Variants in FRYL observed in about 807,000 individuals in gnomAD.
FRYL encodes protein furry homolog-like.
Under a neutral mutation model 351.2 loss-of-function variants are expected in FRYL, and 150 were observed. The observed-to-expected ratio is 0.43, with a 90% confidence interval of 0.37 to 0.49. FRYL has a LOEUF of 0.49. Among genes scored for constraint, FRYL ranks in the 20% least tolerant of loss-of-function variants. The pLI, the probability that FRYL is intolerant of heterozygous loss-of-function variation, is 0.00. For missense variants in FRYL, 3,036 were observed against 3,619.3 expected (o/e 0.84, Z 4.13); for synonymous variants, 1,153 against 1,257.1 (o/e 0.92, Z 1.75).
chr4:48,516,549 T>G (rs1263791112), intron 55 of FRYL, among the ~76,000 whole-genome samples: 1 of 152,190 alleles, frequency 6.6e-6, no homozygotes, highest in Non-Finnish European at 1.5e-5. Context: ...GCTCCTTATC[T>G]GTTTTTCATG....
chr4:48,753,271 G>A (rs537361796), intron 1 of FRYL, among the ~76,000 whole-genome samples: 1 of 152,112 alleles, frequency 6.6e-6, no homozygotes, highest in African/African-American at 2.4e-5. Context: ...AAGCACCAGT[G>A]ACTTCAAAGT....
At chr4:48,546,463 T>A (rs1461027775) in intron 41 of FRYL, 192 bp from the exon 42 acceptor site, 1 of 588,336 alleles carries the variant, frequency 1.7e-6, no homozygotes, top group African/African-American at 1.9e-5. Context: ...GGGGCAAACA[T>A]TGTTTCACAG....
intron 57 of FRYL, among the ~76,000 whole-genome samples, chr4:48,511,707 C>T (rs576117801): frequency 3.9e-5 from 6 of 152,014 alleles, no homozygotes; most frequent in African/African-American, 9.7e-5. Flanking sequence ...ATTAAATAAG[C>T]GCTCCCATTA....
intron 53 of FRYL, among the ~76,000 whole-genome samples, chr4:48,524,531 G>A (rs751260120): frequency 5.8e-4 from 88 of 152,162 alleles, no homozygotes; most frequent in Non-Finnish European, 3.1e-4. Flanking sequence ...TAGTGGTTAA[G>A]TTTGTTTTGT....
chr4:48,656,902 G>A (rs1759343098), intron 3 of FRYL, among the ~76,000 whole-genome samples: 1 of 151,908 alleles, frequency 6.6e-6, no homozygotes, highest in South Asian at 2.1e-4. Context: ...TAACTCAATA[G>A]GCCCATGTGG....
At chr4:48,766,926 AAAATT>A (rs1775005490) in intron 1 of FRYL, among the ~76,000 whole-genome samples, 1 of 150,130 alleles carries the variant, frequency 6.7e-6, no homozygotes, top group Non-Finnish European at 1.5e-5. Flanking sequence ...TCAATTCATT[AAAATT>A]ATGAATTTTG....
intron 1 of FRYL, among the ~76,000 whole-genome samples, chr4:48,735,961 T>TA (rs1278518523): frequency 8.2e-5 from 3 of 36,448 alleles, no homozygotes; most frequent in African/African-American, 2.2e-4. Flanking sequence ...CCCTAAAACT[T>TA]AGAGTATAAT....
In FRYL at chr4:48,535,719, A is replaced by G. The variant is rs1446222458; in HGVS notation, c.6502T>C (p.Cys2168Arg). Reference protein sequence around the residue: ...RDCSNWINVVCRYLHDSFSDT... With the variant: ...RDCSNWINVVRRYLHDSFSDT... ...GAGAAGGAGTCATGCAGGTATCTGC[A>G]CACGACATTGATCCAGTTAGAACAG... The change falls in exon 48 of 64, where the codon TGC (cysteine) becomes CGC (arginine). Residue 2168 changes from cysteine to arginine, a missense_variant. By Grantham distance (180) the Cys-to-Arg change is radical (BLOSUM62 -3). This residue lies in a region of FRYL where 1,987 missense variants were observed against 2,311.7 expected (regional missense o/e 0.86). Coordinates refer to ENST00000358350, the MANE Select transcript of FRYL (RefSeq NM_015030.2). 1 of 1,610,678 alleles carries G rather than the reference A, an allele frequency of 6.2e-7. No homozygotes were observed. The highest frequency in any genetic ancestry group is 8.5e-7 in the Non-Finnish European group (1 of 1,178,000).
At chr4:48,565,443 A>G (rs1384189194) in intron 29 of FRYL, 88 bp downstream of exon 29, 2 of 971,990 alleles carry the variant, frequency 2.1e-6, no homozygotes, top group East Asian at 5.4e-5. Context: ...ATACTCTCAG[A>G]TCCTCTTTTT....
intron 16 of FRYL, among the ~76,000 whole-genome samples, chr4:48,593,629 G>A (rs1743994206): frequency 6.6e-6 from 1 of 152,012 alleles, no homozygotes; most frequent in African/African-American, 2.4e-5. Flanking sequence ...CTCCCAAAGT[G>A]CTGGGATTAC....
intron 2 of FRYL, among the ~76,000 whole-genome samples, chr4:48,694,667 T>C (rs991416935): frequency 5.3e-5 from 8 of 152,204 alleles, no homozygotes; most frequent in African/African-American, 1.9e-4. Flanking sequence ...TAATCTGCAA[T>C]ATGCTTTGGT....
chr4:48,511,076 T>A (rs936620742), intron 57 of FRYL, 92 bp from the exon 58 acceptor site: 10 of 709,874 alleles, frequency 1.4e-5, no homozygotes, highest in Admixed American at 3.2e-5. Flanking sequence ...TAGACTTTTA[T>A]TTTAAAATTA....
chr4:48,664,057 T>C (rs1761308385), intron 3 of FRYL, among the ~76,000 whole-genome samples: 1 of 152,182 alleles, frequency 6.6e-6, no homozygotes, highest in African/African-American at 2.4e-5. Context: ...AATGAATCTT[T>C]ATGCTCAAGC....
intron 26 of FRYL, among the ~76,000 whole-genome samples, chr4:48,571,181 A>G (rs1738237577): frequency 6.6e-6 from 1 of 152,186 alleles, no homozygotes; most frequent in South Asian, 2.1e-4. Flanking sequence ...TTTTTAGGTT[A>G]TTTGCTAATC....
chr4:48,570,939 C>T (rs1250258376), intron 26 of FRYL, 21 bp from the exon 27 acceptor site: 2 of 1,571,878 alleles, frequency 1.3e-6, no homozygotes, highest in Admixed American at 3.3e-5. Flanking sequence ...GATACAAACA[C>T]ATTAATTAAA....
At chr4:48,712,665 C>A (rs1239258609) in intron 1 of FRYL, among the ~76,000 whole-genome samples, 1 of 152,162 alleles carries the variant, frequency 6.6e-6, no homozygotes, top group East Asian at 1.9e-4. Flanking sequence ...TCCAGGAGAA[C>A]CTCCCCAATC....
At chr4:48,547,105 T>TA (rs1371567123) in intron 41 of FRYL, among the ~76,000 whole-genome samples, 1 of 152,140 alleles carries the variant, frequency 6.6e-6, no homozygotes, top group Non-Finnish European at 1.5e-5. Flanking sequence ...ACCTTAAAAG[T>TA]AAAAAACAAA....
intron 2 of FRYL, among the ~76,000 whole-genome samples, chr4:48,706,288 A>G (rs527566923): frequency 6.6e-6 from 1 of 152,370 alleles, no homozygotes; most frequent in East Asian, 1.9e-4. Context: ...GTATGTAAAT[A>G]CAATGGAATA....
intron 23 of FRYL, 47 bp from the exon 24 acceptor site, chr4:48,576,269 G>A (rs748635203): frequency 7.1e-6 from 9 of 1,273,074 alleles, no homozygotes; most frequent in South Asian, 3.4e-5. Context: ...AACACAACAC[G>A]TTTTTAAAAG....
Sources: allele counts gnomAD v4.1 joint callset (sites outside exome capture counted in the v4.1 genomes callset), GRCh38; gene constraint gnomAD v4.1.1; regional missense constraint gnomAD v4.1.1; transcripts MANE v1.5; gene names NCBI Gene and HGNC (gene_info 2026-07-23, HGNC 2026-07-21).